Variants in RHPN2 observed in about 807,000 individuals in gnomAD.
The protein encoded by RHPN2 is rhophilin Rho GTPase binding protein 2, also known as rhophilin-2.
Under a neutral mutation model 79.0 loss-of-function variants are expected in RHPN2, and 40 were observed. The observed-to-expected ratio is 0.51, with a 90% CI of 0.39 to 0.66. The LOEUF is 0.66. Among genes scored for constraint, RHPN2 ranks in the 30% least tolerant of loss-of-function variants. The pLI, the probability that RHPN2 is intolerant of heterozygous loss-of-function variation, is 0.00. For synonymous variants in RHPN2, 285 were observed against 363.5 expected, an observed-to-expected ratio of 0.78 and a Z score of 2.46; for missense variants, 686 against 883.5, an observed-to-expected ratio of 0.78 and a Z score of 2.83.
intron 2 of RHPN2, among the ~76,000 whole-genome samples, chr19:33,032,213 G>T (rs568174262): frequency 4.0e-4 from 61 of 151,472 alleles, no homozygotes; most frequent in Non-Finnish European, 2.2e-4. Flanking sequence ...TAGAGACGGG[G>T]TTTCACCATG....
At chr19:33,036,755 C>G (rs922358785) in intron 2 of RHPN2, among the ~76,000 whole-genome samples, 1 of 152,198 alleles carries the variant, frequency 6.6e-6, no homozygotes, top group African/African-American at 2.4e-5. Flanking sequence ...CCCGCTGGCC[C>G]CGGGCAGTGA....
intron 6 of RHPN2, among the ~76,000 whole-genome samples, chr19:33,008,449 G>A (rs10411068): frequency 0.2 from 29,980 of 151,184 alleles, 3,039 homozygotes; most frequent in Middle Eastern, 0.28. Flanking sequence ...TGTAGAGATG[G>A]GGTCTATGTT....
chr19:33,021,654 G>C lies in RHPN2; in HGVS notation c.315-8C>G, dbSNP rs764623866. ...GGAATCGTAAATGCCTCCCTATGAG[G>C]AACACAACAAGGTATGTATGAACAC... On this transcript the variant is annotated splice_polypyrimidine_tract_variant and splice_region_variant and intron_variant, in intron 3 of 14. Coordinates refer to ENST00000254260, the MANE Select transcript of RHPN2 (RefSeq NM_033103.5). 3 of 1,611,980 alleles carry C rather than the reference G, an allele frequency of 1.9e-6. No individual in the cohort carries two copies. The highest frequency in any genetic ancestry group is 1.7e-5 in the Admixed American group (1 of 59,992).
intron 4 of RHPN2, among the ~76,000 whole-genome samples, chr19:33,016,033 T>C (rs767390429): frequency 1.3e-4 from 20 of 149,018 alleles, no homozygotes; most frequent in African/African-American, 4.7e-4. Flanking sequence ...CTGGGCAACA[T>C]AGTGAGACTC....
chr19:33,031,536 C>T (rs909215905), intron 2 of RHPN2, among the ~76,000 whole-genome samples: 4 of 149,960 alleles, frequency 2.7e-5, no homozygotes, highest in East Asian at 2.0e-4. Flanking sequence ...TGAGCCACGA[C>T]GCCCAGCCTT....
intron 11 of RHPN2, 133 bp downstream of exon 11, chr19:32,995,893 C>A: frequency 1.1e-6 from 1 of 879,266 alleles, no homozygotes; most frequent in Non-Finnish European, 1.9e-6. Context: ...AAAAGCAGCA[C>A]CTCAGTCCCT....
At chr19:33,018,475 C>A (rs1274221419) in intron 4 of RHPN2, among the ~76,000 whole-genome samples, 1 of 152,170 alleles carries the variant, frequency 6.6e-6, no homozygotes, top group African/African-American at 2.4e-5. Context: ...GGGCATAAGT[C>A]TCAGGTAAAA....
intron 7 of RHPN2, among the ~76,000 whole-genome samples, chr19:33,006,697 G>A (rs1338415374): frequency 1.3e-5 from 2 of 152,192 alleles, no homozygotes; most frequent in South Asian, 2.1e-4. Flanking sequence ...GGCAGAACCC[G>A]CAGGCACAGG....
At chr19:32,997,023 G>A (rs1385112214) in intron 10 of RHPN2, among the ~76,000 whole-genome samples, 3 of 152,070 alleles carry the variant, frequency 2.0e-5, no homozygotes. Flanking sequence ...TGACTCTTGA[G>A]CAGCTGGGAC....
chr19:33,050,827 C>T (rs988601738), intron 1 of RHPN2, among the ~76,000 whole-genome samples: 5 of 151,910 alleles, frequency 3.3e-5, no homozygotes, highest in Admixed American at 6.6e-5. Context: ...TGCAGGCACC[C>T]GCCACCACAC....
chr19:33,017,982 C>T (rs554566724), intron 4 of RHPN2, among the ~76,000 whole-genome samples: 4 of 151,946 alleles, frequency 2.6e-5, no homozygotes, highest in East Asian at 1.9e-4. Context: ...GGTGAAACCC[C>T]GTCTCTACTA....
In RHPN2 at chr19:33,056,014, T is replaced by G. The variant is rs147570415; in HGVS notation, c.69+8770A>C. On this transcript the variant is annotated intron_variant, in intron 1 of 14. Coordinates refer to ENST00000254260, the MANE Select transcript of RHPN2 (RefSeq NM_033103.5). ...TGTGTACTCACTCTCCTCTTCCACA[T>G]AGTGCCAAGACCTTTCATTTTGGGC... Among the ~76,000 whole-genome samples, 174 of 152,094 alleles carry G rather than the reference T, an allele frequency of 1.1e-3. 1 individual carries two copies. The highest frequency in any genetic ancestry group is 1.6e-3 in the Non-Finnish European group (107 of 67,992).
chr19:33,036,523 G>C (rs1972056892), intron 2 of RHPN2, among the ~76,000 whole-genome samples: 1 of 152,176 alleles, frequency 6.6e-6, no homozygotes, highest in South Asian at 2.1e-4. Context: ...CTCTGCCTGG[G>C]CTCCCACTTT....
intron 10 of RHPN2, among the ~76,000 whole-genome samples, chr19:32,997,924 G>A (rs1971715763): frequency 6.6e-6 from 1 of 152,222 alleles, no homozygotes; most frequent in Admixed American, 6.5e-5. Flanking sequence ...GTGCCTGGAG[G>A]CAGGGAGGGT....
chr19:32,983,158 C>A (rs1599804118), intron 14 of RHPN2, among the ~76,000 whole-genome samples: 1 of 109,306 alleles, frequency 9.1e-6, no homozygotes, highest in Non-Finnish European at 1.9e-5. Context: ...TCTACACACA[C>A]ACAAACACAC....
chr19:33,032,452 C>A (rs1972021256), intron 2 of RHPN2, among the ~76,000 whole-genome samples: 1 of 152,156 alleles, frequency 6.6e-6, no homozygotes, highest in African/African-American at 2.4e-5. Context: ...AGCCCTCTCA[C>A]CATGGCTTGT....
rs1951240830 is a variant in RHPN2 at position 33,008,174 on chromosome 19, G to C, written c.600C>G (p.Asp200Glu). 6.2e-7 allele frequency: 1 copy of C among 1,613,468 alleles called. No homozygotes were observed. The highest frequency in any genetic ancestry group is 1.7e-5 in the Admixed American group (1 of 59,934). The change falls in exon 7 of 15, where the codon GAC becomes GAG. Residue 200 changes from aspartate to glutamate, a missense_variant. By Grantham distance (45) the Asp-to-Glu change is conservative. Coordinates refer to ENST00000254260, the MANE Select transcript of RHPN2 (RefSeq NM_033103.5). ...GGCTGACCGGAACCCCGGTGAGAGAGTCATACCTATGTGAAAGAAATGCAT... is the reference window on the plus strand; with the variant it reads ...GGCTGACCGGAACCCCGGTGAGAGACTCATACCTATGTGAAAGAAATGCAT... ...RQMGLLFTWY[D>E]SLTGVPVSQQ...
At chr19:32,987,514 A>G (rs545923997) in intron 14 of RHPN2, among the ~76,000 whole-genome samples, 25 of 152,244 alleles carry the variant, frequency 1.6e-4, no homozygotes, top group African/African-American at 5.5e-4. Context: ...ACTGCATTCA[A>G]TGCAACCCAT....
At chr19:33,033,898 A>G (rs751040675) in intron 2 of RHPN2, among the ~76,000 whole-genome samples, 42 of 151,992 alleles carry the variant, frequency 2.8e-4, no homozygotes, top group African/African-American at 4.8e-4. Context: ...AAATAAAAAT[A>G]AATAAAAACT....
Sources: gnomAD v4.1 joint callset for allele counts (sites outside exome capture counted in the v4.1 genomes callset) on GRCh38, gnomAD v4.1.1 for gene constraint, MANE v1.5 for transcripts, NCBI Gene and HGNC (gene_info 2026-07-23, HGNC 2026-07-21) for gene names.